PIKFYVE: variants seen among roughly 807,000 people sequenced by gnomAD.
PIKFYVE encodes the protein 1-phosphatidylinositol 3-phosphate 5-kinase.
A neutral mutation model predicts 257.9 loss-of-function variants in PIKFYVE; 122 were observed. The ratio of observed to expected loss-of-function variants is 0.47; its 90% CI spans 0.41 to 0.55. PIKFYVE has a LOEUF of 0.55. Ranked by LOEUF, PIKFYVE falls within the 20% of genes least tolerant of loss-of-function variation. The pLI is 0.00. For missense variants in PIKFYVE, 2,160 were observed against 2,536.6 expected (o/e 0.85, Z 3.19); for synonymous variants, 892 against 868.9 (o/e 1.03, Z -0.47).
Position 208,358,399 on chromosome 2 carries a change from G to GTT in PIKFYVE, c.*3103_*3104dup, listed in dbSNP as rs10622340. The GTT allele has an allele frequency of 0.16, 23,332 of 147,720 alleles. 2,089 individuals are homozygous for GTT. The highest frequency in any genetic ancestry group is 0.23 in the African/African-American group (9,321 of 40,174). The allele number at this position is 147,720 out of a possible 1,614,324, so 9.2% of individuals were successfully genotyped here. ...CATCTAGTGCAATGTTTTTGTTTTT[G>GTT]TTTTTTTTTTGGTAACACAGGTGCA... is the stretch of plus-strand genomic sequence containing the variant. On this transcript the variant is annotated 3_prime_UTR_variant, in exon 42 of 42. Coordinates refer to ENST00000264380, the MANE Select transcript of PIKFYVE (RefSeq NM_015040.4).
At chr2:208,323,030 C>CT (rs1382847997) in intron 17 of PIKFYVE, among the ~76,000 whole-genome samples, 2 of 151,324 alleles carry the variant, frequency 1.3e-5, no homozygotes, top group African/African-American at 4.9e-5. Flanking sequence ...TGAACTCATC[C>CT]TTTTTTATGG....
chr2:208,315,463 A>G, intron 15 of PIKFYVE, 90 bp downstream of exon 15: 1 of 1,486,456 alleles, frequency 6.7e-7, no homozygotes. Context: ...GAAAAGAGTC[A>G]TTACCCTGAG....
At chr2:208,300,915 C>T in intron 8 of PIKFYVE, 22 bp from the exon 9 acceptor site, 1 of 1,613,732 alleles carries the variant, frequency 6.2e-7, no homozygotes, top group Non-Finnish European at 8.5e-7. Context: ...AGGGTAACTA[C>T]TTGCTGTTAA....
intron 3 of PIKFYVE, among the ~76,000 whole-genome samples, chr2:208,274,490 G>T (rs567632977): frequency 1.3e-5 from 2 of 152,326 alleles, no homozygotes; most frequent in South Asian, 4.1e-4. Flanking sequence ...ACCAGATCTC[G>T]TCTGGTGTGG....
chr2:208,285,871 A>G lies in PIKFYVE; in HGVS notation c.759A>G (p.Thr253=), dbSNP rs761020257. The G allele has an allele frequency of 6.2e-7, 1 of 1,614,100 alleles. No homozygotes were observed. Among genetic ancestry groups the G allele is most frequent in the Non-Finnish European group, 8.5e-7 (1 of 1,180,014 alleles). Residue 253 remains threonine, a synonymous_variant, in exon 6 of 42, where the codon ACA becomes ACG. Transcript: ENST00000264380. ...VSVLDPSEPR[T]PVGSRKASRN... ...TGCTTGATCCAAGTGAACCCCGAACACCTGTTGGGAGTAGGAAAGCCAGCC... is the reference window on the plus strand; with the variant it reads ...TGCTTGATCCAAGTGAACCCCGAACGCCTGTTGGGAGTAGGAAAGCCAGCC...
intron 1 of PIKFYVE, among the ~76,000 whole-genome samples, chr2:208,268,920 A>G (rs1689049716): frequency 6.6e-6 from 1 of 152,156 alleles, no homozygotes; most frequent in Non-Finnish European, 1.5e-5. Flanking sequence ...GATAGGCTAA[A>G]AGGGAAGTGT....
At chr2:208,300,359 T>C (rs10189031) in intron 8 of PIKFYVE, among the ~76,000 whole-genome samples, 111,764 of 152,084 alleles carry the variant, frequency 0.73, 43,647 homozygotes, top group East Asian at 0.93. Flanking sequence ...GATTTTTTAA[T>C]TGGGAGAGAG....
chr2:208,335,350 A>T lies in PIKFYVE; in HGVS notation c.4187A>T (p.Lys1396Ile), dbSNP rs367712254. Residue 1396 changes from lysine (K) to isoleucine (I), a missense_variant, in exon 25 of 42, where the codon AAA becomes ATA. Transcript: ENST00000264380. ...RLLEVCVPLP[K>I]IFIKRQAPLK... is the part of the protein sequence containing the mutation. ...CTTGAAGTATGTGTTCCACTCCCCA[A>T]AATATTCATTAAGCGTCAGGCCCCA... 1.2e-6 allele frequency: 2 copies of T among 1,612,898 alleles called. No individual in the cohort carries two copies. Among genetic ancestry groups the T allele is most frequent in the Non-Finnish European group, 1.7e-6 (2 of 1,179,166 alleles).
Position 208,347,998 on chromosome 2 carries a change from C to G in PIKFYVE, c.5349C>G (p.Thr1783=), listed in dbSNP as rs369369378. ...TTGGGCAGACGGGCAAGGAGGGGAC[C>G]GAGAATCAAGGCGTTGAGCCTCAAG... ...YQVGQTGKEG[T]ENQGVEPQDE... is the part of the protein sequence containing the mutation. Residue 1783 remains threonine, a synonymous_variant, in exon 35 of 42, where the codon ACC becomes ACG. Coordinates refer to ENST00000264380, the MANE Select transcript of PIKFYVE (RefSeq NM_015040.4). The G allele has an allele frequency of 5.6e-6, 9 of 1,614,016 alleles. No homozygotes were observed. Among genetic ancestry groups the G allele is most frequent in the African/African-American group, 2.7e-5 (2 of 75,004 alleles).
intron 1 of PIKFYVE, among the ~76,000 whole-genome samples, chr2:208,267,297 C>T (rs1236161687): frequency 1.3e-5 from 2 of 152,036 alleles, no homozygotes; most frequent in African/African-American, 4.8e-5. Flanking sequence ...AAAAAATGTT[C>T]TTTCTTTTGT....
At position 208,325,319 on chromosome 2, in the gene PIKFYVE, C is replaced by T; in HGVS notation, c.2508C>T (p.Gly836=). 3 of 1,614,096 alleles carry T rather than the reference C, an allele frequency of 1.9e-6. No individual in the cohort carries two copies. Among genetic ancestry groups the T allele is most frequent in the Non-Finnish European group, 2.5e-6 (3 of 1,180,002 alleles). Residue 836 remains glycine (G), a synonymous_variant, in exon 20 of 42, where the codon GGC becomes GGT. Transcript: ENST00000264380. ...MFFEGCPQHL[G]CTIKLRGGSD... is the part of the protein sequence containing the mutation. ...TTGAAGGTTGTCCACAGCACCTAGG[C>T]TGTACAATCAAGCTAAGAGGAGGCT...
chr2:208,302,304 A>G lies in PIKFYVE; in HGVS notation c.1271A>G (p.His424Arg), dbSNP rs1574520616. The change falls in exon 10 of 42, where the codon CAT becomes CGT. Residue 424 changes from histidine (H) to arginine (R), a missense_variant. Transcript: ENST00000264380. ...VDGRWLDCVS[H>R]HDQLFRDEYA... ...GGACGTTGGCTGGATTGTGTTAGTC[A>G]TCACGACCAGCTTTTCAGAGATGAG... 1.2e-6 allele frequency: 2 copies of G among 1,614,154 alleles called. No homozygotes were observed. The highest frequency in any genetic ancestry group is 1.7e-6 in the Non-Finnish European group (2 of 1,180,000).
At chr2:208,348,992 A>G (rs1352102239) in intron 35 of PIKFYVE, among the ~76,000 whole-genome samples, 1 of 151,946 alleles carries the variant, frequency 6.6e-6, no homozygotes, top group East Asian at 1.9e-4. Context: ...GAGAAACCCC[A>G]TCTCTACTGA....
rs183483440 is a variant in PIKFYVE, at chr2:208,347,705, C to T, written c.5210-154C>T. Among the ~76,000 whole-genome samples, 3 of 152,232 alleles carry T rather than the reference C, an allele frequency of 2.0e-5. No homozygotes were observed. In the East Asian group the frequency reaches 5.8e-4, roughly 29 times the overall value. The stretch of plus-strand genomic sequence containing the variant: ...CAACATGTGAAACAATAAGTAACAA[C>T]ATGAAGGACAATGTGCAAACAAAAG... On this transcript the variant is annotated intron_variant, in intron 34 of 41. Transcript: ENST00000264380.
At position 208,283,505 on chromosome 2, in the gene PIKFYVE, A is replaced by G. The variant is rs1285208698; in HGVS notation, c.614-2221A>G. Among the ~76,000 whole-genome samples the G allele has an allele frequency of 2.6e-5, 4 of 152,108 alleles. No individual in the cohort carries two copies. In the East Asian group the frequency reaches 5.8e-4, roughly 22 times the overall value. On this transcript the variant is annotated intron_variant, in intron 5 of 41. Coordinates refer to ENST00000264380, the MANE Select transcript of PIKFYVE (RefSeq NM_015040.4). The stretch of plus-strand genomic sequence containing the variant: ...TGACTGGTTAGGCGAGATTTCCTTT[A>G]TAGTGTAAGAAACAAATGAAGTCTT...
rs1420148237 is a variant in PIKFYVE, at chr2:208,325,412, A to G, written c.2601A>G (p.Gln867=). 1.9e-6 allele frequency: 3 copies of G among 1,614,182 alleles called. No homozygotes were observed. The highest frequency in any genetic ancestry group is 1.6e-4 in the Middle Eastern group (1 of 6,062). The change falls in exon 20 of 42, where the codon CAA becomes CAG. Residue 867 remains glutamine, a synonymous_variant. Coordinates refer to ENST00000264380, the MANE Select transcript of PIKFYVE (RefSeq NM_015040.4). ...TGATCTGTGTTGCTTATCATTCTCAACTAGAAATATCCTTTCTCATGGATG... is the reference window on the plus strand; with the variant it reads ...TGATCTGTGTTGCTTATCATTCTCAGCTAGAAATATCCTTTCTCATGGATG... ...IFMICVAYHS[Q]LEISFLMDEF...
At chr2:208,270,274 TC>T (rs1190294973) in intron 1 of PIKFYVE, among the ~76,000 whole-genome samples, 1 of 152,034 alleles carries the variant, frequency 6.6e-6, no homozygotes, top group African/African-American at 2.4e-5. Flanking sequence ...ACTCCTGACT[TC>T]AGGTGATCCG....
intron 12 of PIKFYVE, chr2:208,305,539 CTAATG>C: frequency 4.9e-6 from 4 of 811,032 alleles, no homozygotes; most frequent in South Asian, 5.6e-5. Flanking sequence ...AATTTCTTCT[CTAATG>C]TAAAATGAAT....
chr2:208,270,477 T>C (rs554424048), intron 1 of PIKFYVE, among the ~76,000 whole-genome samples: 2 of 152,332 alleles, frequency 1.3e-5, no homozygotes, highest in South Asian at 2.1e-4. Flanking sequence ...GGTTGAAATA[T>C]GATTTTTTGG....
Sources: gnomAD v4.1 joint callset for allele counts (sites outside exome capture counted in the v4.1 genomes callset) on GRCh38, gnomAD v4.1.1 for gene constraint, MANE v1.5 for transcripts, NCBI Gene and HGNC (gene_info 2026-07-23, HGNC 2026-07-21) for gene names.